CA10: variants seen among roughly 807,000 people sequenced by gnomAD.
CA10 encodes carbonic anhydrase 10 (inactive), also known as carbonic anhydrase-related protein 10.
CA10 carries 14 observed loss-of-function variants against 44.2 expected under a neutral mutation model. That is an observed-to-expected ratio of 0.32 (90% CI 0.21 to 0.50). The LOEUF (loss-of-function observed/expected upper bound fraction) is 0.50. Ranked by LOEUF, CA10 falls within the 20% of genes least tolerant of loss-of-function variation. The pLI, the probability that CA10 is intolerant of heterozygous loss-of-function variation, is 0.99. For missense variants in CA10, 350 were observed against 409.7 expected (o/e 0.85, Z 1.26); for synonymous variants, 159 against 141.6 (o/e 1.12, Z -0.87).
chr17:51,661,771 A>G (rs1914017376), intron 4 of CA10: 1 of 152,196 alleles, frequency 6.6e-6, no homozygotes, highest in Non-Finnish European at 1.5e-5. Flanking sequence ...CCAGACACTG[A>G]ATGAGGCGAG....
At chr17:51,761,659 G>A (rs1204360153) in intron 3 of CA10, 1 of 152,028 alleles carries the variant, frequency 6.6e-6, no homozygotes, top group Non-Finnish European at 1.5e-5. Flanking sequence ...AAAGCTCCTA[G>A]TTTTGTCAGT....
At chr17:52,156,455 C>T (rs903870424) in intron 1 of CA10, among the ~76,000 whole-genome samples, 1 of 152,138 alleles carries the variant, frequency 6.6e-6, no homozygotes. Flanking sequence ...TAGCCAAGCC[C>T]CACACAGAAT....
chr17:52,067,464 C>T (rs1987568189), intron 2 of CA10, among the ~76,000 whole-genome samples: 1 of 152,206 alleles, frequency 6.6e-6, no homozygotes, highest in Non-Finnish European at 1.5e-5. Context: ...GGGGAGCCCT[C>T]ATGGAGAAAC....
intron 4 of CA10, among the ~76,000 whole-genome samples, chr17:51,690,523 G>A (rs900704155): frequency 3.9e-5 from 6 of 152,158 alleles, no homozygotes; most frequent in Admixed American, 1.3e-4. Flanking sequence ...TGTGTCATGG[G>A]AGAGGCCTGG....
intron 4 of CA10, among the ~76,000 whole-genome samples, chr17:51,710,921 CTTTTTTTTTTT>C (rs55854155): frequency 3.8e-4 from 32 of 84,478 alleles, no homozygotes; most frequent in Non-Finnish European, 6.2e-4. Flanking sequence ...CAACATTTTG[CTTTTTTTTTTT>C]TTTTTTTTTT....
intron 3 of CA10, among the ~76,000 whole-genome samples, chr17:51,830,777 T>C (rs957163295): frequency 6.6e-5 from 10 of 152,156 alleles, no homozygotes; most frequent in African/African-American, 2.4e-4. Context: ...GTTTGTGTCA[T>C]CTAGTAGATA....
chr17:51,883,966 T>C (rs575155767), intron 3 of CA10, among the ~76,000 whole-genome samples: 120 of 152,324 alleles, frequency 7.9e-4, no homozygotes, highest in Middle Eastern at 3.4e-3. Flanking sequence ...GCTTTTCTTA[T>C]ATTTTTCTGC....
At chr17:52,104,323 C>A (rs1417760844) in intron 1 of CA10, among the ~76,000 whole-genome samples, 1 of 152,072 alleles carries the variant, frequency 6.6e-6, no homozygotes, top group Non-Finnish European at 1.5e-5. Context: ...CTCAGCCTCC[C>A]GAGTAGCTAG....
chr17:51,780,697 GA>G (rs894335353), intron 3 of CA10, among the ~76,000 whole-genome samples: 2 of 152,138 alleles, frequency 1.3e-5, no homozygotes, highest in Admixed American at 6.5e-5. Context: ...CTAACTCCTC[GA>G]AAAATTAGGG....
upstream of CA10, chr17:52,159,779 A>G (rs928709523): frequency 6.6e-6 from 1 of 152,252 alleles, no homozygotes; most frequent in Admixed American, 6.5e-5. Context: ...ACCCGGTTGC[A>G]GTGTGGATGC....
At chr17:51,685,035 G>A (rs1914961670) in intron 4 of CA10, among the ~76,000 whole-genome samples, 3 of 152,182 alleles carry the variant, frequency 2.0e-5, no homozygotes, top group Non-Finnish European at 4.4e-5. Context: ...AAGGCAAATT[G>A]TAGGATGTTA....
At chr17:51,857,214 T>A (rs534421896) in intron 3 of CA10, among the ~76,000 whole-genome samples, 1 of 152,304 alleles carries the variant, frequency 6.6e-6, no homozygotes, top group African/African-American at 2.4e-5. Context: ...ATTTTACAAT[T>A]GTGATGTCCT....
At chr17:52,155,723 G>A (rs1423330309) in intron 1 of CA10, among the ~76,000 whole-genome samples, 5 of 152,192 alleles carry the variant, frequency 3.3e-5, no homozygotes, top group Non-Finnish European at 7.3e-5. Context: ...CATTTGGAAC[G>A]CTAACCTAGT....
intron 2 of CA10, among the ~76,000 whole-genome samples, chr17:51,933,147 G>A (rs993055604): frequency 6.6e-6 from 1 of 152,114 alleles, no homozygotes. Context: ...AGGCCGAATG[G>A]CTCTCCACCA....
intron 2 of CA10, among the ~76,000 whole-genome samples, chr17:51,981,699 T>G (rs1430540856): frequency 6.6e-6 from 1 of 152,080 alleles, no homozygotes. Flanking sequence ...ACCCATGTGA[T>G]TAGTAATAAA....
intron 4 of CA10, among the ~76,000 whole-genome samples, chr17:51,660,187 G>A (rs4794290): frequency 0.015 from 2,284 of 152,288 alleles, 27 homozygotes; most frequent in South Asian, 0.041. Context: ...GGTGATATGA[G>A]GAGAAATTGT....
At chr17:51,961,690 TG>T (rs1459522562) in intron 2 of CA10, among the ~76,000 whole-genome samples, 1 of 152,120 alleles carries the variant, frequency 6.6e-6, no homozygotes, top group Non-Finnish European at 1.5e-5. Context: ...CCCCCACATT[TG>T]ACAACTCAGA....
At chr17:52,117,668 C>T (rs936551965) in intron 1 of CA10, among the ~76,000 whole-genome samples, 6 of 152,082 alleles carry the variant, frequency 3.9e-5, no homozygotes, top group Non-Finnish European at 8.8e-5. Context: ...AAACAACTTA[C>T]CAGATTTTAC....
chr17:52,084,269 C>T lies in CA10; in HGVS notation c.62-11876G>A, dbSNP rs570207764. Reference sequence around the variant, plus strand: ...CAATTTGCCATGGTGGGACATAAAGCCACATGCAAACCATAGGAAAAGGCC... The same window carrying T: ...CAATTTGCCATGGTGGGACATAAAGTCACATGCAAACCATAGGAAAAGGCC... On this transcript the variant is annotated intron_variant, in intron 1 of 8. Coordinates refer to ENST00000451037, the MANE Select transcript of CA10 (RefSeq NM_020178.5). Among the ~76,000 whole-genome samples, 11 of 152,274 alleles carry T rather than the reference C, an allele frequency of 7.2e-5. 1 individual carries two copies. The highest frequency in any genetic ancestry group is 2.6e-4 in the African/African-American group (11 of 41,548).
Sources: allele counts gnomAD v4.1 joint callset (sites outside exome capture counted in the v4.1 genomes callset), GRCh38; gene constraint gnomAD v4.1.1; transcripts MANE v1.5; gene names NCBI Gene and HGNC (gene_info 2026-07-23, HGNC 2026-07-21).